The following KCNH5 variants were observed in gnomAD, a reference collection of about 807,000 sequenced individuals.
KCNH5 encodes the protein potassium voltage-gated channel subfamily H member 5, also known as voltage-gated delayed rectifier potassium channel KCNH5.
In KCNH5, 46 loss-of-function variants were observed where a neutral mutation model predicts 96.1. The ratio of observed to expected loss-of-function variants is 0.48; its 90% CI spans 0.38 to 0.61. The LOEUF (loss-of-function observed/expected upper bound fraction) is 0.61, where lower values mean the gene tolerates loss of function less well. KCNH5 is among the 20% of genes least tolerant of loss of function. The pLI is 0.00. For missense variants in KCNH5, 907 were observed against 1,225.8 expected, an observed-to-expected ratio of 0.74 and a Z score of 3.88; for synonymous variants, 439 against 449.8, an observed-to-expected ratio of 0.98 and a Z score of 0.30.
intron 7 of KCNH5, among the ~76,000 whole-genome samples, chr14:62,898,785 G>A (rs1344314999): frequency 6.6e-6 from 1 of 152,018 alleles, no homozygotes; most frequent in African/African-American, 2.4e-5. Context: ...AAAAATAATG[G>A]ATAGAGGTAT....
At chr14:62,873,399 T>C (rs1566689764) in intron 7 of KCNH5, among the ~76,000 whole-genome samples, 1 of 152,178 alleles carries the variant, frequency 6.6e-6, no homozygotes, top group Non-Finnish European at 1.5e-5. Context: ...GAAGTGATTT[T>C]TGTAATTGTT....
chr14:62,962,006 C>CAGATGG lies in KCNH5; in HGVS notation c.943-11453_943-11448dup, dbSNP rs1250965405. On this transcript the variant is annotated intron_variant, in intron 6 of 10. Transcript: ENST00000322893. ...AGAGATGCAGATGCAGATGGAGATGCAGATGGAGATGGAGATGCAGATGCA... is the reference window on the plus strand; with the variant it reads ...AGAGATGCAGATGCAGATGGAGATGCAGATGGAGATGGAGATGGAGATGCAGATGCA... Among the ~76,000 whole-genome samples the CAGATGG allele has an allele frequency of 4.7e-4, 68 of 145,740 alleles. 5 individuals are homozygous for CAGATGG. The South Asian group carries it at 6.1e-3, about 13-fold the overall frequency.
At chr14:62,811,432 T>C (rs78899279) in intron 8 of KCNH5, among the ~76,000 whole-genome samples, 4,066 of 152,246 alleles carry the variant, frequency 0.027, 88 homozygotes, top group Non-Finnish European at 0.041. Context: ...CCATTACTCT[T>C]TGCCTTCACA....
intron 7 of KCNH5, among the ~76,000 whole-genome samples, chr14:62,856,955 T>C (rs1887942041): frequency 6.6e-6 from 1 of 152,154 alleles, no homozygotes; most frequent in South Asian, 2.1e-4. Flanking sequence ...AGTGATACAG[T>C]GAGTTGACTG....
intron 10 of KCNH5, among the ~76,000 whole-genome samples, chr14:62,750,314 C>A (rs1885470291): frequency 6.6e-6 from 1 of 152,210 alleles, no homozygotes; most frequent in Admixed American, 6.5e-5. Context: ...TGAGTAGAGT[C>A]ATGCAACTAC....
intron 7 of KCNH5, among the ~76,000 whole-genome samples, chr14:62,904,150 A>T (rs1888983279): frequency 6.6e-6 from 1 of 152,214 alleles, no homozygotes; most frequent in African/African-American, 2.4e-5. Flanking sequence ...GAATGCAAAT[A>T]AGTCAAAAAG....
In KCNH5 at chr14:62,703,364, T is replaced by A. The variant is rs1156387042; in HGVS notation, c.*4144A>T. The A allele has an allele frequency of 6.6e-6, 1 of 151,926 alleles. No individual in the cohort carries two copies. The highest frequency in any genetic ancestry group is 1.5e-5 in the Non-Finnish European group (1 of 67,800). The allele number at this position is 151,926 out of a possible 1,614,324, so 9.4% of individuals were successfully genotyped here. ...GAAGAATATTTTGATAGAGAGTACA[T>A]CGTGGATACTCTTCTATGAAAGAAT... On this transcript the variant is annotated 3_prime_UTR_variant, in exon 11 of 11. Transcript: ENST00000322893.
chr14:62,924,767 C>T (rs1595686759), intron 7 of KCNH5, among the ~76,000 whole-genome samples: 1 of 151,954 alleles, frequency 6.6e-6, no homozygotes, highest in Non-Finnish European at 1.5e-5. Context: ...AAAAGTTGAA[C>T]TCATAGAATC....
At chr14:62,925,565 G>A (rs1013584641) in intron 7 of KCNH5, among the ~76,000 whole-genome samples, 5 of 151,892 alleles carry the variant, frequency 3.3e-5, no homozygotes, top group African/African-American at 7.2e-5. Context: ...ATACATACTC[G>A]TTCTGCATTT....
chr14:62,722,676 C>T (rs1382705166), intron 10 of KCNH5, among the ~76,000 whole-genome samples: 1 of 152,150 alleles, frequency 6.6e-6, no homozygotes, highest in African/African-American at 2.4e-5. Flanking sequence ...TATACTGGGA[C>T]TCTTCGGTAT....
intron 7 of KCNH5, among the ~76,000 whole-genome samples, chr14:62,901,124 G>A (rs1338547156): frequency 6.6e-6 from 1 of 152,070 alleles, no homozygotes; most frequent in African/African-American, 2.4e-5. Flanking sequence ...AAATAGCTGG[G>A]ATTACAAGCA....
intron 7 of KCNH5, among the ~76,000 whole-genome samples, chr14:62,875,744 C>G (rs1888358552): frequency 6.6e-6 from 1 of 152,190 alleles, no homozygotes; most frequent in South Asian, 2.1e-4. Flanking sequence ...TGGCCAGGCG[C>G]AGTGGCTCAT....
chr14:62,925,097 A>G (rs1889448803), intron 7 of KCNH5, among the ~76,000 whole-genome samples: 2 of 152,026 alleles, frequency 1.3e-5, no homozygotes, highest in Admixed American at 6.6e-5. Flanking sequence ...TTTATTTGTC[A>G]TAGTTCTGTG....
chr14:62,868,601 C>G (rs574180538), intron 7 of KCNH5, among the ~76,000 whole-genome samples: 1 of 151,988 alleles, frequency 6.6e-6, no homozygotes, highest in African/African-American at 2.4e-5. Flanking sequence ...ATGTGCTGAA[C>G]GTGCAGGTTT....
chr14:62,971,566 A>G (rs1308460107), intron 6 of KCNH5, among the ~76,000 whole-genome samples: 1 of 152,096 alleles, frequency 6.6e-6, no homozygotes, highest in East Asian at 1.9e-4. Flanking sequence ...TGGAAGTTGA[A>G]GAACCAAGTC....
intron 4 of KCNH5, among the ~76,000 whole-genome samples, chr14:62,987,741 C>T (rs1477612371): frequency 6.6e-6 from 1 of 152,132 alleles, no homozygotes; most frequent in African/African-American, 2.4e-5. Context: ...CAGCCAGGAT[C>T]GTTTGCCTTG....
At chr14:62,793,025 C>T (rs1218167886) in intron 9 of KCNH5, among the ~76,000 whole-genome samples, 1 of 151,588 alleles carries the variant, frequency 6.6e-6, no homozygotes, top group Non-Finnish European at 1.5e-5. Flanking sequence ...AGCACTATGC[C>T]AAACAAAATA....
Position 62,809,697 on chromosome 14 carries a change from G to A in KCNH5, c.1570-7116C>T, listed in dbSNP as rs372118790. Among the ~76,000 whole-genome samples, 268 of 152,096 alleles carry A rather than the reference G, an allele frequency of 1.8e-3. 3 individuals are homozygous for A. In the South Asian group the frequency reaches 0.029, roughly 16 times the overall value. On this transcript the variant is annotated intron_variant, in intron 8 of 10. Transcript: ENST00000322893. The stretch of plus-strand genomic sequence containing the variant: ...TGCTGAACTTTATACAAATTATCAC[G>A]CCAAGTCTAATAAAGCAAATCAGTC...
intron 4 of KCNH5, among the ~76,000 whole-genome samples, chr14:62,992,462 T>A (rs1890827594): frequency 6.6e-6 from 1 of 152,040 alleles, no homozygotes; most frequent in African/African-American, 2.4e-5. Context: ...AAGAGTTCCC[T>A]TTTCTCCACA....
Sources: allele counts gnomAD v4.1 joint callset (sites outside exome capture counted in the v4.1 genomes callset), GRCh38; gene constraint gnomAD v4.1.1; transcripts MANE v1.5; gene names NCBI Gene and HGNC (gene_info 2026-07-23, HGNC 2026-07-21).